PDSS2: variants seen among roughly 807,000 people sequenced by gnomAD.
PDSS2 encodes decaprenyl diphosphate synthase subunit 2.
A neutral mutation model predicts 44.5 loss-of-function variants in PDSS2; 31 were observed. The observed-to-expected ratio is 0.70, with a 90% CI of 0.52 to 0.94. The LOEUF (loss-of-function observed/expected upper bound fraction) is 0.94, where lower values mean the gene tolerates loss of function less well. Among genes scored for constraint, PDSS2 ranks in the 40% least tolerant of loss-of-function variants. The probability of loss-of-function intolerance (pLI) is 0.00; values close to 1 mark genes in which losing one functional copy is unlikely to be tolerated. For synonymous variants in PDSS2, 157 were observed against 180.3 expected (o/e 0.87, Z 1.03); for missense variants, 452 against 482.2 (o/e 0.94, Z 0.59).
intron 2 of PDSS2, among the ~76,000 whole-genome samples, chr6:107,310,207 C>T (rs1776991949): frequency 6.7e-6 from 1 of 149,636 alleles, no homozygotes; most frequent in African/African-American, 2.5e-5. Context: ...ATCACTTGAA[C>T]CTGGGAGGCG....
At chr6:107,208,880 G>C (rs1582788242) in intron 6 of PDSS2, among the ~76,000 whole-genome samples, 1 of 152,132 alleles carries the variant, frequency 6.6e-6, no homozygotes, top group South Asian at 2.1e-4. Flanking sequence ...ACTCTTAATA[G>C]ATACAAGGTT....
chr6:107,255,250 T>C (rs575609244), intron 3 of PDSS2, among the ~76,000 whole-genome samples: 1 of 147,666 alleles, frequency 6.8e-6, no homozygotes, highest in East Asian at 2.1e-4. Flanking sequence ...TGAAGTGCAG[T>C]GGTGTGATCT....
chr6:107,328,910 A>C (rs1777631113), intron 2 of PDSS2, among the ~76,000 whole-genome samples: 1 of 152,196 alleles, frequency 6.6e-6, no homozygotes, highest in African/African-American at 2.4e-5. Context: ...AATGCTAACA[A>C]GAAAAAGGCA....
intron 4 of PDSS2, among the ~76,000 whole-genome samples, chr6:107,217,391 T>C (rs905184250): frequency 6.6e-6 from 1 of 152,066 alleles, no homozygotes; most frequent in Admixed American, 6.6e-5. Context: ...TCATAAAAGG[T>C]AATTTAATGA....
intron 7 of PDSS2, among the ~76,000 whole-genome samples, chr6:107,169,490 T>C (rs1322329767): frequency 1.3e-5 from 2 of 152,200 alleles, no homozygotes; most frequent in Non-Finnish European, 2.9e-5. Context: ...TCAAAGTCAT[T>C]CTCCATCCAG....
rs1777800985 is a variant in PDSS2 at position 107,334,212 on chromosome 6, A to G, written c.417T>C (p.Ser139=). 2 of 1,613,782 alleles carry G rather than the reference A, an allele frequency of 1.2e-6. No individual in the cohort carries two copies. The highest frequency in any genetic ancestry group is 2.2e-5 in the East Asian group (1 of 44,882). ...ATTCTTCTTACCATGAGTAGATCCCACTGACCATGTCATAGTTCTGACATG... is the reference window on the plus strand; with the variant it reads ...ATTCTTCTTACCATGAGTAGATCCCGCTGACCATGTCATAGTTCTGACATG... ...NTSCQNYDMV[S]GIYSCQRSLA... The change falls in exon 2 of 8, where the codon AGT becomes AGC. Residue 139 remains serine, a synonymous_variant. Transcript: ENST00000369037.
intron 2 of PDSS2, among the ~76,000 whole-genome samples, chr6:107,284,959 A>G (rs2114992978): frequency 6.6e-6 from 1 of 152,336 alleles, no homozygotes; most frequent in Non-Finnish European, 1.5e-5. Flanking sequence ...AAGCTTTATT[A>G]TCTCTTCCGT....
chr6:107,337,995 C>T (rs1462791843), intron 1 of PDSS2, among the ~76,000 whole-genome samples: 1 of 152,166 alleles, frequency 6.6e-6, no homozygotes, highest in Non-Finnish European at 1.5e-5. Context: ...CAGTGGTTAA[C>T]AATCTGGAGG....
At chr6:107,324,649 A>G (rs778777676) in intron 2 of PDSS2, among the ~76,000 whole-genome samples, 10 of 151,932 alleles carry the variant, frequency 6.6e-5, no homozygotes, top group African/African-American at 1.5e-4. Flanking sequence ...TTCCTTCCAG[A>G]CTCTTTGTTT....
At chr6:107,257,466 G>A (rs955416690) in intron 3 of PDSS2, among the ~76,000 whole-genome samples, 3 of 151,600 alleles carry the variant, frequency 2.0e-5, no homozygotes, top group African/African-American at 7.3e-5. Context: ...GAGCCTGTGA[G>A]TTCGAGGTTA....
Position 107,280,644 on chromosome 6 carries a change from G to A in PDSS2, c.432-6417C>T, listed in dbSNP as rs78543493. 0.013 allele frequency among the ~76,000 whole-genome samples: 2,016 copies of A among 152,072 alleles called. 115 individuals are homozygous for A. The East Asian group carries it at 0.19, about 14-fold the overall frequency. On this transcript the variant is annotated intron_variant, in intron 2 of 7. Coordinates refer to ENST00000369037, the MANE Select transcript of PDSS2 (RefSeq NM_020381.4). Reference sequence around the variant, plus strand: ...CCTATCCATTCATTCCTGTGTTTGCGCCACTGCACTCCAGCCTGGGCAACA... The same window carrying A: ...CCTATCCATTCATTCCTGTGTTTGCACCACTGCACTCCAGCCTGGGCAACA...
chr6:107,341,824 G>C (rs1381480980), intron 1 of PDSS2, among the ~76,000 whole-genome samples: 4 of 152,082 alleles, frequency 2.6e-5, no homozygotes, highest in African/African-American at 9.7e-5. Context: ...AATAAAAATG[G>C]TAACAATATA....
At position 107,197,964 on chromosome 6, in the gene PDSS2, T is replaced by C. The variant is rs567192811; in HGVS notation, c.1009-4110A>G. 6.2e-4 allele frequency: 288 copies of C among 467,198 alleles called. 1 individual carries two copies. Among genetic ancestry groups the C allele is most frequent in the Non-Finnish European group, 1.1e-3 (237 of 224,056 alleles). 28.9% of individuals were successfully genotyped at this position (467,198 alleles called of 1,614,324 possible). On this transcript the variant is annotated intron_variant, in intron 6 of 7. Coordinates refer to ENST00000369037, the MANE Select transcript of PDSS2 (RefSeq NM_020381.4). ...TTAGGGGTGGAATTTTCCTTTTGGC[T>C]GCATTGAGCCACCTCCCACTCTGTC...
chr6:107,234,775 A>G (rs751026845), intron 4 of PDSS2, among the ~76,000 whole-genome samples: 5 of 152,178 alleles, frequency 3.3e-5, no homozygotes, highest in Non-Finnish European at 7.3e-5. Flanking sequence ...CCCATGGCCA[A>G]TGTACCCAAT....
intron 1 of PDSS2, among the ~76,000 whole-genome samples, chr6:107,415,511 C>T (rs1376497227): frequency 1.3e-5 from 2 of 151,894 alleles, no homozygotes; most frequent in African/African-American, 2.4e-5. Context: ...GCTAAGACAC[C>T]AAGCAGAATC....
rs534486131 is a variant in PDSS2, at chr6:107,242,141, G to T, written c.702+3407C>A. The stretch of plus-strand genomic sequence containing the variant: ...AGGAAAAAAAGCCAGAATTTTTCTG[G>T]TTAGGAAGGGAAATGTGGTTAACCT... On this transcript the variant is annotated intron_variant, in intron 4 of 7. Coordinates refer to ENST00000369037, the MANE Select transcript of PDSS2 (RefSeq NM_020381.4). Among the ~76,000 whole-genome samples the T allele has an allele frequency of 9.2e-5, 14 of 152,304 alleles. No individual in the cohort carries two copies. In the South Asian group the frequency reaches 1.9e-3, roughly 20 times the overall value.
At chr6:107,371,506 C>T (rs1391177122) in intron 1 of PDSS2, among the ~76,000 whole-genome samples, 5 of 152,160 alleles carry the variant, frequency 3.3e-5, no homozygotes, top group Non-Finnish European at 5.9e-5. Flanking sequence ...TCATTTATTT[C>T]AACTGACATT....
At chr6:107,170,207 C>G (rs1373570291) in intron 7 of PDSS2, among the ~76,000 whole-genome samples, 4 of 152,186 alleles carry the variant, frequency 2.6e-5, no homozygotes, top group Non-Finnish European at 4.4e-5. Context: ...TTGTTGCTGC[C>G]TTGCAGTTCA....
At chr6:107,360,052 A>G (rs1431277797) in intron 1 of PDSS2, among the ~76,000 whole-genome samples, 1 of 152,156 alleles carries the variant, frequency 6.6e-6, no homozygotes, top group African/African-American at 2.4e-5. Context: ...CATTAAAACT[A>G]TATGGTTTTG....
Sources: gnomAD v4.1 joint callset for allele counts (sites outside exome capture counted in the v4.1 genomes callset) on GRCh38, gnomAD v4.1.1 for gene constraint, MANE v1.5 for transcripts, NCBI Gene and HGNC (gene_info 2026-07-23, HGNC 2026-07-21) for gene names.